ABI3BP: variants seen among roughly 807,000 people sequenced by gnomAD.
ABI3BP encodes the protein target of Nesh-SH3.
ABI3BP carries 216 observed loss-of-function variants against 268.6 expected under a neutral mutation model. The ratio of observed to expected loss-of-function variants is 0.80; its 90% CI spans 0.72 to 0.90. The LOEUF (loss-of-function observed/expected upper bound fraction) is 0.90. Among genes scored for constraint, ABI3BP ranks in the 40% least tolerant of loss-of-function variants. ABI3BP has a pLI of 0.00. For missense variants in ABI3BP, 2,090 were observed against 2,182.4 expected (o/e 0.96, Z 0.84); for synonymous variants, 730 against 730.0 (o/e 1.00, Z 0.00).
intron 1 of ABI3BP, among the ~76,000 whole-genome samples, chr3:100,982,590 C>T (rs140048544): frequency 1.6e-3 from 238 of 152,146 alleles, no homozygotes; most frequent in African/African-American, 5.4e-3. Flanking sequence ...ACTTTACCCA[C>T]TAACCCATGG....
In ABI3BP at chr3:100,848,975, A is replaced by G. The variant is rs1580375047; in HGVS notation, c.1502-100T>C. 6.5e-6 allele frequency: 6 copies of G among 924,946 alleles called. No homozygotes were observed. The East Asian group carries it at 1.5e-4, about 24-fold the overall frequency. 57.3% of individuals were successfully genotyped at this position (924,946 alleles called of 1,614,324 possible). ...AAACTCCAAGTACAAGAACTGCTTT[A>G]TATTTCCTTGTATCCTTAGAATGTC... On this transcript the variant is annotated intron_variant, in intron 17 of 67. Transcript: ENST00000471714.
chr3:100,791,133 T>A (rs928774843), intron 55 of ABI3BP, among the ~76,000 whole-genome samples: 4 of 151,884 alleles, frequency 2.6e-5, no homozygotes, highest in African/African-American at 9.7e-5. Flanking sequence ...AGTCAGCATG[T>A]ACAAATATGT....
Position 100,822,648 on chromosome 3 carries a change from C to T in ABI3BP, c.2828G>A (p.Arg943His), listed in dbSNP as rs1024526228. The change falls in exon 38 of 68, where the codon CGT becomes CAT. Residue 943 changes from arginine to histidine, a missense_variant. Coordinates refer to ENST00000471714, the MANE Select transcript of ABI3BP (RefSeq NM_001375547.2). ...GGTTTTTGTTCTGAGACGTGGACGACGTGTCCGTTGTGATGTTTTGGAAGC... is the reference window on the plus strand; with the variant it reads ...GGTTTTTGTTCTGAGACGTGGACGATGTGTCCGTTGTGATGTTTTGGAAGC... The part of the protein sequence containing the change: ...TLASKTSQRT[R>H]RPRLRTKTTP... 25 of 1,536,310 alleles carry T rather than the reference C, an allele frequency of 1.6e-5. No individual in the cohort carries two copies. The African/African-American group carries it at 2.2e-4, about 13-fold the overall frequency.
chr3:100,800,569 G>A (rs1173843314), intron 51 of ABI3BP, among the ~76,000 whole-genome samples: 2 of 152,088 alleles, frequency 1.3e-5, no homozygotes, highest in Non-Finnish European at 2.9e-5. Context: ...CGCCTCCCTG[G>A]TTCATGCCAT....
At chr3:100,953,420 C>A (rs1472508863) in intron 1 of ABI3BP, among the ~76,000 whole-genome samples, 1 of 152,104 alleles carries the variant, frequency 6.6e-6, no homozygotes, top group East Asian at 1.9e-4. Context: ...GTCATAGGCA[C>A]AGGCTAAATA....
intron 54 of ABI3BP, among the ~76,000 whole-genome samples, chr3:100,793,401 A>G (rs1305522717): frequency 6.6e-6 from 1 of 151,996 alleles, no homozygotes; most frequent in African/African-American, 2.4e-5. Flanking sequence ...TAAATGATAC[A>G]CTGCTATCTT....
chr3:100,830,253 T>C (rs1052609932), intron 32 of ABI3BP, among the ~76,000 whole-genome samples: 1 of 149,634 alleles, frequency 6.7e-6, no homozygotes, highest in Non-Finnish European at 1.5e-5. Context: ...TCAGTCTAGA[T>C]CAGGGACAAA....
intron 1 of ABI3BP, among the ~76,000 whole-genome samples, chr3:100,979,258 T>C (rs931957436): frequency 3.9e-5 from 6 of 152,190 alleles, no homozygotes; most frequent in East Asian, 1.9e-4. Context: ...CATGTTTCAA[T>C]AAAACAAAGT....
intron 44 of ABI3BP, 134 bp downstream of exon 44, chr3:100,815,778 G>T: frequency 1.7e-6 from 1 of 595,106 alleles, no homozygotes; most frequent in Non-Finnish European, 2.8e-6. Flanking sequence ...TAAAACTGCT[G>T]ACTATTTTAA....
At chr3:100,910,629 C>T (rs1006710843) in intron 2 of ABI3BP, among the ~76,000 whole-genome samples, 2 of 151,892 alleles carry the variant, frequency 1.3e-5, no homozygotes, top group Non-Finnish European at 2.9e-5. Context: ...CCTGCCTTGT[C>T]CTCCCTAAGT....
At chr3:100,950,347 A>C (rs1274150273) in intron 1 of ABI3BP, among the ~76,000 whole-genome samples, 1 of 152,216 alleles carries the variant, frequency 6.6e-6, no homozygotes, top group Non-Finnish European at 1.5e-5. Context: ...AGTCTCTTCA[A>C]AAAAACTGTA....
At chr3:100,931,574 G>T (rs984284389) in intron 1 of ABI3BP, among the ~76,000 whole-genome samples, 2 of 151,724 alleles carry the variant, frequency 1.3e-5, no homozygotes, top group Non-Finnish European at 2.9e-5. Flanking sequence ...CAAACGAAGG[G>T]CCAAATCAAG....
At chr3:100,899,420 A>C (rs1454139280) in intron 3 of ABI3BP, among the ~76,000 whole-genome samples, 1 of 152,224 alleles carries the variant, frequency 6.6e-6, no homozygotes, top group Non-Finnish European at 1.5e-5. Flanking sequence ...AAATCTCTTC[A>C]TGTTATTGTA....
At chr3:100,751,807 C>T (rs886419485) in intron 66 of ABI3BP, 133 bp from the exon 67 acceptor site, 2 of 858,506 alleles carry the variant, frequency 2.3e-6, no homozygotes, top group African/African-American at 1.7e-5. Flanking sequence ...AACAATGTTT[C>T]TTGCCTACCT....
intron 1 of ABI3BP, among the ~76,000 whole-genome samples, chr3:100,966,007 T>C (rs2081155620): frequency 6.6e-6 from 1 of 152,180 alleles, no homozygotes; most frequent in African/African-American, 2.4e-5. Flanking sequence ...AAACAGTCCA[T>C]GAATCAGGCC....
chr3:100,943,535 T>C (rs1416467353), intron 1 of ABI3BP, among the ~76,000 whole-genome samples: 1 of 151,982 alleles, frequency 6.6e-6, no homozygotes, highest in East Asian at 1.9e-4. Context: ...ACCCAGAAAA[T>C]TTCCTCATGC....
At chr3:100,964,691 G>T (rs2080593317) in intron 1 of ABI3BP, among the ~76,000 whole-genome samples, 1 of 152,166 alleles carries the variant, frequency 6.6e-6, no homozygotes, top group Non-Finnish European at 1.5e-5. Context: ...TCTAATGCAT[G>T]GGTCCTGGCC....
At chr3:100,767,758 G>T (rs2096349141) in intron 62 of ABI3BP, among the ~76,000 whole-genome samples, 2 of 152,128 alleles carry the variant, frequency 1.3e-5, no homozygotes, top group Non-Finnish European at 2.9e-5. Context: ...AAAGTGCCTT[G>T]ATAGTATTTT....
chr3:100,768,378 G>A (rs2096405260), intron 62 of ABI3BP, among the ~76,000 whole-genome samples: 1 of 152,194 alleles, frequency 6.6e-6, no homozygotes, highest in Non-Finnish European at 1.5e-5. Context: ...GTGAGCCACT[G>A]AGCCCGGCCT....
Sources: allele counts gnomAD v4.1 joint callset (sites outside exome capture counted in the v4.1 genomes callset), GRCh38; gene constraint gnomAD v4.1.1; transcripts MANE v1.5; gene names NCBI Gene and HGNC (gene_info 2026-07-23, HGNC 2026-07-21).